GRID1: variants seen among roughly 807,000 people sequenced by gnomAD.
GRID1 encodes glutamate ionotropic receptor delta type subunit 1.
Under a neutral mutation model 98.0 loss-of-function variants are expected in GRID1, and 28 were observed. The ratio of observed to expected loss-of-function variants is 0.29; its 90% CI spans 0.21 to 0.39. The LOEUF (loss-of-function observed/expected upper bound fraction) is 0.39. Ranked by LOEUF, GRID1 falls within the 10% of genes least tolerant of loss-of-function variation. The pLI is 1.00. For missense variants in GRID1, 1,111 were observed against 1,340.5 expected, an observed-to-expected ratio of 0.83 and a Z score of 2.67; for synonymous variants, 553 against 538.5, an observed-to-expected ratio of 1.03 and a Z score of -0.37.
intron 13 of GRID1, chr10:85,646,704 C>T (rs776049650): frequency 1.7e-4 from 28 of 167,894 alleles, no homozygotes; most frequent in Non-Finnish European, 3.1e-4. Flanking sequence ...CTCTGAGGTA[C>T]AACTCTTCTC....
At chr10:85,677,922 G>A (rs531265204) in intron 12 of GRID1, among the ~76,000 whole-genome samples, 1 of 152,232 alleles carries the variant, frequency 6.6e-6, no homozygotes, top group East Asian at 1.9e-4. Flanking sequence ...AGACACTAGG[G>A]ACAGACATGG....
At chr10:86,116,318 G>A (rs1050514790) in intron 4 of GRID1, among the ~76,000 whole-genome samples, 1 of 152,168 alleles carries the variant, frequency 6.6e-6, no homozygotes, top group Non-Finnish European at 1.5e-5. Context: ...CATTGAGCCT[G>A]GAGTGTTAAG....
intron 8 of GRID1, among the ~76,000 whole-genome samples, chr10:85,782,295 A>ATTGTTAC (rs1842388666): frequency 6.6e-6 from 1 of 152,154 alleles, no homozygotes; most frequent in Non-Finnish European, 1.5e-5. Context: ...ATGCAAGGAA[A>ATTGTTAC]ATGTTTGGAA....
chr10:85,779,674 G>T (rs1334702052), intron 8 of GRID1, among the ~76,000 whole-genome samples: 1 of 152,108 alleles, frequency 6.6e-6, no homozygotes, highest in Non-Finnish European at 1.5e-5. Context: ...ATGTGACGAG[G>T]TTAATTACAT....
chr10:85,680,472 T>C (rs1192490904), intron 12 of GRID1, among the ~76,000 whole-genome samples: 3 of 152,142 alleles, frequency 2.0e-5, no homozygotes, highest in African/African-American at 4.8e-5. Context: ...ACCTAAAAAA[T>C]AGCAGATGCT....
chr10:85,614,763 C>T lies in GRID1; in HGVS notation c.2361-1116G>A, dbSNP rs919570663. Among the ~76,000 whole-genome samples, 8 of 152,080 alleles carry T rather than the reference C, an allele frequency of 5.3e-5. No homozygotes were observed. The South Asian group carries it at 6.2e-4, about 12-fold the overall frequency. On this transcript the variant is annotated intron_variant, in intron 14 of 15. Transcript: ENST00000327946. The stretch of plus-strand genomic sequence containing the variant: ...TCTGAGGGGGCATGAGAGGCAGTTT[C>T]GATTTCATCATGTGTGCAATGGTGG...
intron 4 of GRID1, among the ~76,000 whole-genome samples, chr10:86,060,049 C>T (rs1196177198): frequency 2.0e-5 from 3 of 152,246 alleles, no homozygotes; most frequent in East Asian, 1.9e-4. Flanking sequence ...TTCAATGCTA[C>T]GCACAGTGGC....
At chr10:86,261,920 T>A in intron 2 of GRID1, among the ~76,000 whole-genome samples, 1 of 152,248 alleles carries the variant, frequency 6.6e-6, no homozygotes, top group East Asian at 1.9e-4. Flanking sequence ...TTACAGGACA[T>A]TGGGGCCCAA....
intron 4 of GRID1, among the ~76,000 whole-genome samples, chr10:86,071,148 T>C (rs1460974178): frequency 2.6e-5 from 4 of 152,342 alleles, no homozygotes; most frequent in African/African-American, 9.6e-5. Context: ...AGGAACAGGC[T>C]CAATTGGAGA....
At chr10:86,256,178 T>C (rs1846914873) in intron 2 of GRID1, among the ~76,000 whole-genome samples, 1 of 152,102 alleles carries the variant, frequency 6.6e-6, no homozygotes, top group African/African-American at 2.4e-5. Context: ...TAGCTCCAAC[T>C]CCTAGGAACT....
At position 86,207,671 on chromosome 10, in the gene GRID1, G is replaced by A. The variant is rs1483068142; in HGVS notation, c.236-1023C>T. ...TTTTGAGACGGAGTTTCGCTCTGTCGCCCAGGCTGGAGTGCAGTGGCGCGA... is the reference window on the plus strand; with the variant it reads ...TTTTGAGACGGAGTTTCGCTCTGTCACCCAGGCTGGAGTGCAGTGGCGCGA... On this transcript the variant is annotated intron_variant, in intron 2 of 15. Coordinates refer to ENST00000327946, the MANE Select transcript of GRID1 (RefSeq NM_017551.3). 1.6e-4 allele frequency among the ~76,000 whole-genome samples: 19 copies of A among 120,814 alleles called. 1 individual carries two copies. The highest frequency in any genetic ancestry group is 5.4e-4 in the South Asian group (2 of 3,734). The allele number at this position is 120,814 out of a possible 152,430, so 79.3% of individuals were successfully genotyped here.
intron 5 of GRID1, among the ~76,000 whole-genome samples, chr10:85,883,941 G>A (rs1004674275): frequency 9.9e-5 from 15 of 152,112 alleles, no homozygotes; most frequent in Admixed American, 8.5e-4. Flanking sequence ...GAAGTTTCCA[G>A]CTTTATGTAG....
intron 2 of GRID1, among the ~76,000 whole-genome samples, chr10:86,330,415 A>G (rs1039444585): frequency 6.6e-6 from 1 of 152,090 alleles, no homozygotes; most frequent in African/African-American, 2.4e-5. Flanking sequence ...AGGGCTGGAC[A>G]CGTTTCCCTC....
chr10:85,811,822 G>A (rs1286642570), intron 8 of GRID1, among the ~76,000 whole-genome samples: 2 of 152,184 alleles, frequency 1.3e-5, no homozygotes, highest in African/African-American at 4.8e-5. Context: ...AGTCTAGAAA[G>A]AGAGAGATGG....
intron 2 of GRID1, among the ~76,000 whole-genome samples, chr10:86,270,026 C>T (rs1463389004): frequency 6.6e-6 from 1 of 152,200 alleles, no homozygotes; most frequent in East Asian, 1.9e-4. Flanking sequence ...CAAATCTATC[C>T]TTATTTGTAG....
intron 8 of GRID1, among the ~76,000 whole-genome samples, chr10:85,792,259 C>T (rs1010884765): frequency 2.0e-5 from 3 of 152,168 alleles, no homozygotes; most frequent in Non-Finnish European, 2.9e-5. Context: ...GCAGTCGCAG[C>T]CACAGCAGCA....
rs1414697957 is a variant in GRID1 at position 86,197,479 on chromosome 10, C to T, written c.520+8885G>A. ...CTAGTATTTAACAACACAACATCTCCCTTGTTCCCTCTCATGTGTGGAGCA... is the reference window on the plus strand; with the variant it reads ...CTAGTATTTAACAACACAACATCTCTCTTGTTCCCTCTCATGTGTGGAGCA... On this transcript the variant is annotated intron_variant, in intron 3 of 15. Coordinates refer to ENST00000327946, the MANE Select transcript of GRID1 (RefSeq NM_017551.3). Among the ~76,000 whole-genome samples the T allele has an allele frequency of 2.0e-5, 3 of 152,120 alleles. 1 individual carries two copies. Among genetic ancestry groups the T allele is most frequent in the Non-Finnish European group, 4.4e-5 (3 of 67,984 alleles).
chr10:86,016,146 C>CT (rs34064996), intron 4 of GRID1, among the ~76,000 whole-genome samples: 7,781 of 132,456 alleles, frequency 0.059, 291 homozygotes, highest in Middle Eastern at 0.083. Flanking sequence ...AGAGCACCAT[C>CT]TTTTTTTTTT....
chr10:85,963,074 G>A (rs141103604), intron 4 of GRID1, among the ~76,000 whole-genome samples: 1 of 152,284 alleles, frequency 6.6e-6, no homozygotes, highest in Non-Finnish European at 1.5e-5. Flanking sequence ...GCTGATGCCT[G>A]AACTGGAGGT....
Sources: allele counts gnomAD v4.1 joint callset (sites outside exome capture counted in the v4.1 genomes callset), GRCh38; gene constraint gnomAD v4.1.1; transcripts MANE v1.5; gene names NCBI Gene and HGNC (gene_info 2026-07-23, HGNC 2026-07-21).